Variants in SCPPPQ1 observed in about 807,000 individuals in gnomAD.
SCPPPQ1 encodes secretory calcium-binding phosphoprotein proline-glutamine rich 1.
chr4:87,463,237 C>G, the SCPPPQ1 span, among the ~76,000 whole-genome samples: 1 of 151,654 alleles, frequency 6.6e-6, no homozygotes, highest in African/African-American at 2.4e-5. Context: ...GTTTCTCTTA[C>G]CTTTCGTGGC....
At chr4:87,465,967 G>A in the SCPPPQ1 span, among the ~76,000 whole-genome samples, 1 of 152,164 alleles carries the variant, frequency 6.6e-6, no homozygotes, top group African/African-American at 2.4e-5. Flanking sequence ...GGTAGGAAGA[G>A]TTTCCATTTC....
the SCPPPQ1 span, among the ~76,000 whole-genome samples, chr4:87,464,699 G>A: frequency 2.0e-5 from 3 of 152,038 alleles, no homozygotes; most frequent in African/African-American, 4.8e-5. Flanking sequence ...TTAGCCCAGC[G>A]TGGTAGTGCG....
the SCPPPQ1 span, among the ~76,000 whole-genome samples, chr4:87,465,559 C>CAAAAAAA: frequency 4.4e-4 from 43 of 98,282 alleles, no homozygotes; most frequent in Non-Finnish European, 6.1e-4. Context: ...TAGAAATCTA[C>CAAAAAAA]AAAAAAAAAA....
At chr4:87,465,215 G>C in the SCPPPQ1 span, among the ~76,000 whole-genome samples, 2 of 152,116 alleles carry the variant, frequency 1.3e-5, no homozygotes, top group African/African-American at 4.8e-5. Context: ...CAGACATGGA[G>C]CTTACATCTC....
the SCPPPQ1 span, chr4:87,461,888 C>T: frequency 2.0e-5 from 3 of 151,832 alleles, no homozygotes; most frequent in African/African-American, 7.3e-5. Flanking sequence ...GTTGTGGACA[C>T]AATCAGAGGC....
chr4:87,464,299 G>T, the SCPPPQ1 span, among the ~76,000 whole-genome samples: 1 of 151,992 alleles, frequency 6.6e-6, no homozygotes, highest in East Asian at 1.9e-4. Context: ...GTAAACGAGA[G>T]CATGCTTTTT....
At chr4:87,461,234 G>A in the SCPPPQ1 span, among the ~76,000 whole-genome samples, 1 of 152,182 alleles carries the variant, frequency 6.6e-6, no homozygotes, top group Admixed American at 6.5e-5. Flanking sequence ...TGAATACATT[G>A]ATATTTAGAA....
chr4:87,466,427 C>A, the SCPPPQ1 span, among the ~76,000 whole-genome samples: 2 of 152,036 alleles, frequency 1.3e-5, no homozygotes, highest in Non-Finnish European at 2.9e-5. Flanking sequence ...GGAAACAATG[C>A]ACCTAGTCCT....
chr4:87,462,591 A>C, the SCPPPQ1 span, among the ~76,000 whole-genome samples: 1 of 152,238 alleles, frequency 6.6e-6, no homozygotes, highest in African/African-American at 2.4e-5. Flanking sequence ...CCAGCAAGTT[A>C]ATGCTTTTTG....
chr4:87,462,473 TTTTC>T, the SCPPPQ1 span, among the ~76,000 whole-genome samples: 84,862 of 150,854 alleles, frequency 0.56, 24,514 homozygotes, highest in East Asian at 0.68. Context: ...GTCTCCACGT[TTTTC>T]TTTCTTTCTT....
the SCPPPQ1 span, chr4:87,460,946 T>C: frequency 6.6e-6 from 1 of 152,612 alleles, no homozygotes; most frequent in African/African-American, 2.4e-5. Flanking sequence ...AAGATAGAAG[T>C]AGATACTCTT....
chr4:87,462,473 TTTTCTTTCTTTC>T, the SCPPPQ1 span, among the ~76,000 whole-genome samples: 19 of 150,978 alleles, frequency 1.3e-4, no homozygotes, highest in Middle Eastern at 3.4e-3. Flanking sequence ...GTCTCCACGT[TTTTCTTTCTTTC>T]TTTCTTTCTT....
At chr4:87,464,361 A>T in the SCPPPQ1 span, among the ~76,000 whole-genome samples, 6,355 of 97,086 alleles carry the variant, frequency 0.065, 430 homozygotes, top group African/African-American at 0.21. Context: ...TAATATTTTA[A>T]GTACCCCCCC....
chr4:87,464,925 C>T, the SCPPPQ1 span, among the ~76,000 whole-genome samples: 143 of 152,174 alleles, frequency 9.4e-4, no homozygotes, highest in African/African-American at 2.9e-3. Context: ...ATACTGAATC[C>T]GCCTCATCTT....
At chr4:87,467,444 A>G in the SCPPPQ1 span, among the ~76,000 whole-genome samples, 1 of 152,240 alleles carries the variant, frequency 6.6e-6, no homozygotes, top group Non-Finnish European at 1.5e-5. Flanking sequence ...AGCTGGGGAA[A>G]AAAAATCTTC....
the SCPPPQ1 span, among the ~76,000 whole-genome samples, chr4:87,461,213 C>T: frequency 6.6e-6 from 1 of 152,104 alleles, no homozygotes; most frequent in African/African-American, 2.4e-5. Context: ...GTAGTATTCC[C>T]ATTTCACAAA....
the SCPPPQ1 span, chr4:87,461,940 A>G: frequency 6.6e-6 from 1 of 152,268 alleles, no homozygotes; most frequent in Non-Finnish European, 1.5e-5. Context: ...ATATAAATGC[A>G]TGAAAGAATT....
the SCPPPQ1 span, among the ~76,000 whole-genome samples, chr4:87,466,154 G>A: frequency 2.6e-5 from 4 of 152,060 alleles, no homozygotes; most frequent in Admixed American, 6.6e-5. Flanking sequence ...TTGGGAGGCC[G>A]AGGCAGGCAG....
the SCPPPQ1 span, among the ~76,000 whole-genome samples, chr4:87,461,672 AG>A: frequency 6.6e-6 from 1 of 152,334 alleles, no homozygotes; most frequent in East Asian, 1.9e-4. Context: ...TGGTGGCTAA[AG>A]GGGGAACTTG....
Sources: gnomAD v4.1 joint callset for allele counts (sites outside exome capture counted in the v4.1 genomes callset) on GRCh38, gnomAD v4.1.1 for gene constraint, MANE v1.5 for transcripts, NCBI Gene and HGNC (gene_info 2026-07-23, HGNC 2026-07-21) for gene names.